HSD17B2: variants seen among roughly 807,000 people sequenced by gnomAD.
HSD17B2 encodes the protein hydroxysteroid 17-beta dehydrogenase 2.
HSD17B2 carries 32 observed loss-of-function variants against 26.9 expected under a neutral mutation model. The ratio of observed to expected loss-of-function variants is 1.19; its 90% confidence interval spans 0.90 to 1.60. The LOEUF (loss-of-function observed/expected upper bound fraction) is 1.60, where lower values mean the gene tolerates loss of function less well. Among genes scored for constraint, HSD17B2 ranks in the 40% most tolerant of loss-of-function variants. The probability of loss-of-function intolerance (pLI) is 0.00; values close to 1 mark genes in which losing one functional copy is unlikely to be tolerated. For missense variants in HSD17B2, 613 were observed against 468.6 expected, an observed-to-expected ratio of 1.31 and a Z score of -2.85; for synonymous variants, 246 against 186.7, an observed-to-expected ratio of 1.32 and a Z score of -2.59.
chr16:82,058,718 A>C (rs1914348192), intron 1 of HSD17B2, among the ~76,000 whole-genome samples: 1 of 152,204 alleles, frequency 6.6e-6, no homozygotes, highest in African/African-American at 2.4e-5. Flanking sequence ...TCATCTGTAC[A>C]GTTCAGTTTC....
intron 4 of HSD17B2, chr16:82,097,316 G>T (rs564084877): frequency 6.7e-6 from 1 of 148,834 alleles, no homozygotes; most frequent in Admixed American, 6.7e-5. Flanking sequence ...ACATATATAT[G>T]TGTGTGTATA....
chr16:82,071,290 CTCT>C, intron 3 of HSD17B2, 163 bp downstream of exon 3: 1 of 705,782 alleles, frequency 1.4e-6, no homozygotes, highest in Non-Finnish European at 2.6e-6. Flanking sequence ...TAAAACCTTT[CTCT>C]TCTTTCAAAT....
intron 1 of HSD17B2, among the ~76,000 whole-genome samples, chr16:82,055,102 C>G (rs750029121): frequency 6.6e-6 from 1 of 152,206 alleles, no homozygotes; most frequent in Non-Finnish European, 1.5e-5. Context: ...CAAATGTTCC[C>G]TGGGGGGGAA....
At chr16:82,048,501 TG>T (rs1177492573) in intron 1 of HSD17B2, among the ~76,000 whole-genome samples, 1 of 151,968 alleles carries the variant, frequency 6.6e-6, no homozygotes, top group East Asian at 1.9e-4. Flanking sequence ...AAGGAGAAGA[TG>T]GGGAATTAGC....
At chr16:82,084,591 G>A (rs1290744232) in intron 3 of HSD17B2, among the ~76,000 whole-genome samples, 4 of 152,106 alleles carry the variant, frequency 2.6e-5, no homozygotes, top group Admixed American at 1.3e-4. Flanking sequence ...ATTAGAGGAA[G>A]TGGAAAACAA....
chr16:82,040,689 A>C (rs1008530833), intron 1 of HSD17B2, among the ~76,000 whole-genome samples: 2 of 152,178 alleles, frequency 1.3e-5, no homozygotes, highest in African/African-American at 4.8e-5. Flanking sequence ...GAAGATGCTT[A>C]TGAGGGATGA....
chr16:82,068,363 A>C lies in HSD17B2; in HGVS notation c.459A>C (p.Ala153=). The change falls in exon 2 of 5, where the codon GCA becomes GCC. Residue 153 remains alanine (A), a synonymous_variant. Coordinates refer to ENST00000199936, the MANE Select transcript of HSD17B2 (RefSeq NM_002153.3). ...TAAAAGATGCTTACAGCAAGGTTGC[A>C]GCAATGCTGCAGGACAGAGGTACTG... is the stretch of plus-strand genomic sequence containing the variant. ...VQIKDAYSKV[A]AMLQDRGLWA... is the part of the protein sequence containing the mutation. The C allele has an allele frequency of 6.2e-7, 1 of 1,612,750 alleles. No homozygotes were observed. Among genetic ancestry groups the C allele is most frequent in the South Asian group, 1.1e-5 (1 of 90,816 alleles).
chr16:82,040,127 G>A (rs932607367), intron 1 of HSD17B2, among the ~76,000 whole-genome samples: 11 of 152,290 alleles, frequency 7.2e-5, no homozygotes, highest in Non-Finnish European at 1.3e-4. Context: ...ATTGGAGAAC[G>A]GATCCAGGAG....
chr16:82,097,959 A>G (rs1904902264), intron 4 of HSD17B2, 116 bp from the exon 5 acceptor site: 1 of 929,486 alleles, frequency 1.1e-6, no homozygotes, highest in Admixed American at 3.2e-5. Context: ...AAAATAAAAA[A>G]ATAAATAAAT....
intron 1 of HSD17B2, among the ~76,000 whole-genome samples, chr16:82,050,955 A>G (rs903842583): frequency 1.3e-5 from 2 of 152,214 alleles, no homozygotes; most frequent in African/African-American, 4.8e-5. Context: ...AGTTGTGATA[A>G]GAAAAAATGT....
chr16:82,086,661 G>C (rs560765328), intron 3 of HSD17B2, among the ~76,000 whole-genome samples: 2 of 152,208 alleles, frequency 1.3e-5, no homozygotes, highest in African/African-American at 4.8e-5. Flanking sequence ...TGCAGTCTAC[G>C]TCTAGGAAGA....
At chr16:82,090,465 T>G (rs1472894046) in intron 3 of HSD17B2, among the ~76,000 whole-genome samples, 1 of 151,928 alleles carries the variant, frequency 6.6e-6, no homozygotes. Flanking sequence ...ATTACAGGCA[T>G]GCGCCACCAC....
At chr16:82,097,789 A>G (rs886098841) in intron 4 of HSD17B2, 2 of 206,560 alleles carry the variant, frequency 9.7e-6, no homozygotes, top group Non-Finnish European at 1.9e-5. Flanking sequence ...AAATATAAAA[A>G]TTAGCCGGGC....
chr16:82,073,906 CA>C (rs1160321400), intron 3 of HSD17B2, among the ~76,000 whole-genome samples: 3 of 152,072 alleles, frequency 2.0e-5, no homozygotes, highest in Non-Finnish European at 4.4e-5. Flanking sequence ...CACCACTAAT[CA>C]AAAAGAACAA....
chr16:82,089,158 A>T (rs975119688), intron 3 of HSD17B2, among the ~76,000 whole-genome samples: 6 of 152,136 alleles, frequency 3.9e-5, no homozygotes, highest in Admixed American at 3.3e-4. Context: ...GTAACCACTG[A>T]TCTGTTTTAC....
intron 2 of HSD17B2, among the ~76,000 whole-genome samples, chr16:82,068,791 G>A (rs1210343365): frequency 6.6e-6 from 1 of 152,062 alleles, no homozygotes; most frequent in Non-Finnish European, 1.5e-5. Context: ...TACGCTCCAC[G>A]GAACCCTGTA....
intron 1 of HSD17B2, among the ~76,000 whole-genome samples, chr16:82,040,620 ACATCTGTTATGTGCC>A (rs760005303): frequency 7.9e-5 from 12 of 152,250 alleles, no homozygotes; most frequent in Non-Finnish European, 1.8e-4. Flanking sequence ...TAAATATTGA[ACATCTGTTATGTGCC>A]CATGACTCTG....
At chr16:82,079,713 T>C (rs1044643039) in intron 3 of HSD17B2, among the ~76,000 whole-genome samples, 6 of 152,042 alleles carry the variant, frequency 3.9e-5, no homozygotes, top group Admixed American at 6.6e-5. Context: ...TGTGAAACAA[T>C]AGAAAAGATT....
In HSD17B2 at chr16:82,071,070, T is replaced by C; in HGVS notation, c.607T>C (p.Phe203Leu). The C allele has an allele frequency of 6.2e-7, 1 of 1,614,068 alleles. No homozygotes were observed. Among genetic ancestry groups the C allele is most frequent in the Non-Finnish European group, 8.5e-7 (1 of 1,179,982 alleles). ...FFGTVEVTKTFLPLLRKSKGR... is the reference protein window; with the variant it reads ...FFGTVEVTKTLLPLLRKSKGR... ...TGGAACTGTGGAGGTCACAAAGACG[T>C]TTTTGCCTCTTCTTAGAAAATCCAA... The change falls in exon 3 of 5, where the codon TTT becomes CTT. Residue 203 changes from phenylalanine (F) to leucine (L), a missense_variant. Transcript: ENST00000199936.
Sources: gnomAD v4.1 joint callset for allele counts (sites outside exome capture counted in the v4.1 genomes callset) on GRCh38, gnomAD v4.1.1 for gene constraint, MANE v1.5 for transcripts, NCBI Gene and HGNC (gene_info 2026-07-23, HGNC 2026-07-21) for gene names.